The following ROS1 variants were observed in gnomAD, a reference collection of about 807,000 sequenced individuals.
ROS1 encodes the protein ROS proto-oncogene 1, receptor tyrosine kinase, also known as proto-oncogene tyrosine-protein kinase ROS.
Under a neutral mutation model 273.5 loss-of-function variants are expected in ROS1, and 263 were observed. That is an observed-to-expected ratio of 0.96 (90% CI 0.87 to 1.06). The LOEUF (loss-of-function observed/expected upper bound fraction) is 1.06. Among genes scored for constraint, ROS1 ranks in the 50% least tolerant of loss-of-function variants. The pLI, the probability that ROS1 is intolerant of heterozygous loss-of-function variation, is 0.00. For missense variants in ROS1, 2,833 were observed against 2,751.1 expected, an observed-to-expected ratio of 1.03 and a Z score of -0.67; for synonymous variants, 1,008 against 954.1, an observed-to-expected ratio of 1.06 and a Z score of -1.04.
At position 117,308,940 on chromosome 6, in the gene ROS1, A is replaced by G. The variant is rs762228804; in HGVS notation, c.6417-12T>C. 2.5e-6 allele frequency: 4 copies of G among 1,610,294 alleles called. No individual in the cohort carries two copies. The South Asian group carries it at 3.3e-5, about 13-fold the overall frequency. On this transcript the variant is annotated splice_polypyrimidine_tract_variant and intron_variant, in intron 41 of 43. Transcript: ENST00000368507. ...GAATTCCAAAAGACCTAAGAATAGT[A>G]GAGGGTTTGCTTTAATTATACTTAT... is the stretch of plus-strand genomic sequence containing the variant.
chr6:117,411,237 CTCT>C (rs1774881623), intron 4 of ROS1, among the ~76,000 whole-genome samples: 3 of 151,262 alleles, frequency 2.0e-5, no homozygotes, highest in South Asian at 2.1e-4. Flanking sequence ...CTCTCTCTCT[CTCT>C]CTTTCTCTCT....
intron 18 of ROS1, among the ~76,000 whole-genome samples, chr6:117,378,601 T>C (rs1781534818): frequency 6.6e-6 from 1 of 152,188 alleles, no homozygotes; most frequent in Admixed American, 6.5e-5. Flanking sequence ...AATTTATTTT[T>C]AAAATATCTG....
intron 18 of ROS1, among the ~76,000 whole-genome samples, chr6:117,371,401 G>A (rs1780758631): frequency 6.6e-6 from 1 of 152,160 alleles, no homozygotes; most frequent in Admixed American, 6.5e-5. Context: ...GGTAGAGGAA[G>A]CAGCAGGACG....
chr6:117,324,149 G>T (rs1009939625), intron 35 of ROS1, among the ~76,000 whole-genome samples, 183 bp downstream of exon 35: 6 of 152,124 alleles, frequency 3.9e-5, no homozygotes, highest in African/African-American at 1.4e-4. Context: ...GTTATGCCTA[G>T]ATCAGAAAAC....
chr6:117,324,374 T>C lies in ROS1; in HGVS notation c.5581A>G (p.Ile1861Val). The change falls in exon 35 of 44, where the codon ATA (isoleucine) becomes GTA (valine). Residue 1861 changes from isoleucine to valine, a missense_variant. Coordinates refer to ENST00000368507, the MANE Select transcript of ROS1 (RefSeq NM_001378902.1). Reference sequence around the variant, plus strand: ...GTAACAACCAGAAATATTCCAACTATAATAGTAAGTATGAAACTTGTTTCT... The same window carrying C: ...GTAACAACCAGAAATATTCCAACTACAATAGTAAGTATGAAACTTGTTTCT... ...IPETSFILTI[I>V]VGIFLVVTIP... The C allele has an allele frequency of 6.6e-7, 1 of 1,523,682 alleles. No homozygotes were observed. Among genetic ancestry groups the C allele is most frequent in the African/African-American group, 1.4e-5 (1 of 72,698 alleles). The allele number at this position is 1,523,682 out of a possible 1,614,324, so 94.4% of individuals were successfully genotyped here.
At chr6:117,402,079 G>C (rs751529052) in intron 7 of ROS1, among the ~76,000 whole-genome samples, 1 of 152,002 alleles carries the variant, frequency 6.6e-6, no homozygotes, top group Non-Finnish European at 1.5e-5. Context: ...AAGGCAGTTC[G>C]CATCAGATCG....
At chr6:117,360,262 G>A (rs968149142) in intron 23 of ROS1, 80 bp downstream of exon 23, 1 of 803,830 alleles carries the variant, frequency 1.2e-6, no homozygotes, top group Admixed American at 4.2e-5. Flanking sequence ...TATCCCTAAA[G>A]ACACCAATGG....
At chr6:117,368,375 G>A (rs1780447208) in intron 18 of ROS1, among the ~76,000 whole-genome samples, 1 of 151,978 alleles carries the variant, frequency 6.6e-6, no homozygotes, top group African/African-American at 2.4e-5. Flanking sequence ...GAATTTCACA[G>A]TACCTCAAAT....
intron 31 of ROS1, among the ~76,000 whole-genome samples, chr6:117,340,817 C>A (rs1777854671): frequency 1.3e-5 from 2 of 150,952 alleles, no homozygotes; most frequent in South Asian, 4.2e-4. Flanking sequence ...ATTTTTTTTT[C>A]ATGGAAAACA....
chr6:117,392,890 C>A (rs186610185), intron 12 of ROS1, among the ~76,000 whole-genome samples: 11 of 152,132 alleles, frequency 7.2e-5, no homozygotes, highest in Admixed American at 3.9e-4. Flanking sequence ...AGTGTTGAGG[C>A]GGAAAGTGAG....
At chr6:117,312,338 G>T (rs972746425) in intron 39 of ROS1, among the ~76,000 whole-genome samples, 2 of 152,030 alleles carry the variant, frequency 1.3e-5, no homozygotes, top group African/African-American at 4.8e-5. Flanking sequence ...CCCCTGACAC[G>T]TTTATCTCTT....
chr6:117,303,199 C>G lies in ROS1; in HGVS notation c.6552-2062G>C, dbSNP rs557490618. 3.9e-5 allele frequency among the ~76,000 whole-genome samples: 6 copies of G among 152,198 alleles called. No individual in the cohort carries two copies. The East Asian group carries it at 1.2e-3, about 29-fold the overall frequency. ...TTTTTTACTTTCTGGAGCTATATGG[C>G]AGATCAGGATCAGGGAGAGAGAACT... On this transcript the variant is annotated intron_variant, in intron 42 of 43. Transcript: ENST00000368507.
intron 33 of ROS1, among the ~76,000 whole-genome samples, chr6:117,327,526 C>T (rs1776729139): frequency 6.6e-6 from 1 of 152,156 alleles, no homozygotes; most frequent in South Asian, 2.1e-4. Flanking sequence ...CTATTTACAA[C>T]ATACTGTACT....
At chr6:117,333,527 A>T (rs1400739086) in intron 32 of ROS1, among the ~76,000 whole-genome samples, 3 of 152,128 alleles carry the variant, frequency 2.0e-5, no homozygotes, top group Non-Finnish European at 2.9e-5. Flanking sequence ...CAAAACTGGG[A>T]AGAGACACAA....
rs542494117 is a variant in ROS1 at position 117,388,745 on chromosome 6, TA to T, written c.1786+604del. 2.9e-4 allele frequency among the ~76,000 whole-genome samples: 44 copies of T among 152,372 alleles called. 2 individuals carry two copies. In the East Asian group the frequency reaches 8.5e-3, roughly 29 times the overall value. On this transcript the variant is annotated intron_variant, in intron 13 of 43. Transcript: ENST00000368507. ...AAAGTTTGCTGACCTCTGTGCTAGA[TA>T]CTGTTCTAAGTGCTCTACTAATGTG...
At chr6:117,415,940 G>A (rs371733770) in intron 3 of ROS1, among the ~76,000 whole-genome samples, 1 of 152,038 alleles carries the variant, frequency 6.6e-6, no homozygotes, top group African/African-American at 2.4e-5. Flanking sequence ...AATTTGAGAC[G>A]CATAGGCCTA....
At position 117,321,403 on chromosome 6, in the gene ROS1, G is replaced by GA. The variant is rs765736680; in HGVS notation, c.5624-10dup. On this transcript the variant is annotated splice_polypyrimidine_tract_variant and intron_variant, in intron 35 of 43. Transcript: ENST00000368507. ...TAATCTTCTATGCCAGACTATAAAGGAAAAAATGACATAATTTACAAAATA... is the reference window on the plus strand; with the variant it reads ...TAATCTTCTATGCCAGACTATAAAGGAAAAAAATGACATAATTTACAAAATA... 112 of 1,578,438 alleles carry GA rather than the reference G, an allele frequency of 7.1e-5. No homozygotes were observed. Among genetic ancestry groups the GA allele is most frequent in the Non-Finnish European group, 8.9e-5 (104 of 1,166,186 alleles).
intron 4 of ROS1, among the ~76,000 whole-genome samples, chr6:117,411,219 A>G (rs1189540543): frequency 7.5e-6 from 1 of 133,660 alleles, no homozygotes; most frequent in Non-Finnish European, 1.6e-5. Context: ...CCTTCTCTCA[A>G]TCTCTCTCTC....
At chr6:117,347,839 T>A (rs895931756) in intron 27 of ROS1, among the ~76,000 whole-genome samples, 19 of 152,088 alleles carry the variant, frequency 1.2e-4, no homozygotes, top group African/African-American at 4.3e-4. Context: ...TGATTTTTCC[T>A]CTTTAGTCTG....
Sources: gnomAD v4.1 joint callset for allele counts (sites outside exome capture counted in the v4.1 genomes callset) on GRCh38, gnomAD v4.1.1 for gene constraint, MANE v1.5 for transcripts, NCBI Gene and HGNC (gene_info 2026-07-23, HGNC 2026-07-21) for gene names.